SCAPER: variants seen among roughly 807,000 people sequenced by gnomAD.
The protein encoded by SCAPER is S-phase cyclin A associated protein in the ER, also known as S phase cyclin A-associated protein in the endoplasmic reticulum.
Under a neutral mutation model 182.2 loss-of-function variants are expected in SCAPER, and 98 were observed. The observed-to-expected ratio is 0.54, with a 90% CI of 0.46 to 0.64. The LOEUF is 0.64. Among genes scored for constraint, SCAPER ranks in the 30% least tolerant of loss-of-function variants. The probability of loss-of-function intolerance (pLI) is 0.00; values close to 1 mark genes in which losing one functional copy is unlikely to be tolerated. For synonymous variants in SCAPER, 605 were observed against 564.6 expected, an observed-to-expected ratio of 1.07 and a Z score of -1.01; for missense variants, 1,432 against 1,690.0, an observed-to-expected ratio of 0.85 and a Z score of 2.68.
intron 19 of SCAPER, among the ~76,000 whole-genome samples, chr15:76,702,248 CA>C (rs1598257338): frequency 6.6e-6 from 1 of 151,674 alleles, no homozygotes; most frequent in Non-Finnish European, 1.5e-5. Flanking sequence ...CAAGTCTCAG[CA>C]GTGAAAATGT....
At chr15:76,487,450 C>G (rs942530681) in intron 24 of SCAPER, among the ~76,000 whole-genome samples, 7 of 152,112 alleles carry the variant, frequency 4.6e-5, no homozygotes, top group Non-Finnish European at 8.8e-5. Context: ...ATGTTAGATA[C>G]ACAACATTAT....
intron 5 of SCAPER, among the ~76,000 whole-genome samples, chr15:76,828,234 ATAAT>A (rs1415536125): frequency 6.6e-6 from 1 of 150,474 alleles, no homozygotes; most frequent in Non-Finnish European, 1.5e-5. Context: ...TATATAATAT[ATAAT>A]TATTTTATAA....
intron 29 of SCAPER, among the ~76,000 whole-genome samples, chr15:76,366,959 C>A (rs2041858142): frequency 6.6e-6 from 1 of 152,214 alleles, no homozygotes; most frequent in South Asian, 2.1e-4. Context: ...TGGGAGGATC[C>A]TCTGTACTTC....
intron 23 of SCAPER, among the ~76,000 whole-genome samples, chr15:76,519,053 AAAC>A (rs769980660): frequency 3.3e-5 from 5 of 152,228 alleles, no homozygotes; most frequent in Admixed American, 6.5e-5. Context: ...CATTTACGGC[AAAC>A]AAAACTCAGA....
At chr15:76,804,080 C>T (rs1335990187) in intron 6 of SCAPER, among the ~76,000 whole-genome samples, 1 of 152,192 alleles carries the variant, frequency 6.6e-6, no homozygotes, top group Non-Finnish European at 1.5e-5. Context: ...CACACATGTC[C>T]TACACTTACA....
In SCAPER at chr15:76,696,130, G is replaced by A. The variant is rs551654916; in HGVS notation, c.2508+5628C>T. ...AGGCAAGCAAGGTAAGGAAATAAAT[G>A]GGTCTATATGGAATTATCTTTTATT... On this transcript the variant is annotated intron_variant, in intron 20 of 31. Coordinates refer to ENST00000563290, the MANE Select transcript of SCAPER (RefSeq NM_020843.4). Among the ~76,000 whole-genome samples the A allele has an allele frequency of 8.5e-5, 13 of 152,258 alleles. No homozygotes were observed. In the South Asian group the frequency reaches 2.7e-3, roughly 32 times the overall value.
intron 20 of SCAPER, among the ~76,000 whole-genome samples, chr15:76,682,131 G>A (rs280011): frequency 0.025 from 3,863 of 152,202 alleles, 160 homozygotes; most frequent in African/African-American, 0.088. Context: ...AGAGAGCTCC[G>A]TTAGACTGGG....
At chr15:76,485,490 C>G (rs185250958) in intron 24 of SCAPER, among the ~76,000 whole-genome samples, 32 of 152,278 alleles carry the variant, frequency 2.1e-4, no homozygotes, top group Non-Finnish European at 2.9e-5. Context: ...ATGCTATTCC[C>G]ATTAAATTAC....
intron 24 of SCAPER, among the ~76,000 whole-genome samples, chr15:76,479,454 G>T (rs1002833135): frequency 1.3e-5 from 2 of 152,092 alleles, no homozygotes; most frequent in African/African-American, 4.8e-5. Flanking sequence ...TGTGGTTGGG[G>T]GTTTGAGATA....
chr15:76,470,369 G>A (rs1424243004), intron 25 of SCAPER, among the ~76,000 whole-genome samples: 1 of 152,162 alleles, frequency 6.6e-6, no homozygotes, highest in African/African-American at 2.4e-5. Flanking sequence ...TCTGGGGAAA[G>A]AGTCAGGCTG....
chr15:76,513,510 T>C (rs1223451532), intron 23 of SCAPER, among the ~76,000 whole-genome samples: 1 of 152,188 alleles, frequency 6.6e-6, no homozygotes. Context: ...TGGCGTTAAA[T>C]ACCTTATATG....
intron 5 of SCAPER, among the ~76,000 whole-genome samples, chr15:76,809,423 G>C (rs2151564337): frequency 6.6e-6 from 1 of 151,994 alleles, no homozygotes; most frequent in South Asian, 2.1e-4. Context: ...AATACAAAAA[G>C]TACCAAACAG....
intron 5 of SCAPER, among the ~76,000 whole-genome samples, chr15:76,818,750 G>A (rs976707722): frequency 6.6e-6 from 1 of 152,232 alleles, no homozygotes; most frequent in Admixed American, 6.5e-5. Context: ...GCAGGACAGT[G>A]GGTGCAGCGC....
At chr15:76,878,756 T>C (rs1169391639) in intron 2 of SCAPER, among the ~76,000 whole-genome samples, 1 of 151,950 alleles carries the variant, frequency 6.6e-6, no homozygotes, top group Admixed American at 6.6e-5. Context: ...AGTGAGATTC[T>C]GTCTCTATTT....
chr15:76,351,079 T>C (rs2040511320), intron 31 of SCAPER, 158 bp downstream of exon 31: 2 of 562,306 alleles, frequency 3.6e-6, no homozygotes, highest in Non-Finnish European at 6.1e-6. Context: ...ACAAAATCGA[T>C]TTCTTTACTT....
intron 23 of SCAPER, among the ~76,000 whole-genome samples, chr15:76,519,401 T>C (rs1372123052): frequency 1.3e-5 from 2 of 152,044 alleles, no homozygotes; most frequent in Admixed American, 1.3e-4. Context: ...AAGGGAGAAG[T>C]AGGGATCTGA....
intron 26 of SCAPER, among the ~76,000 whole-genome samples, chr15:76,424,546 C>T (rs1025883818): frequency 6.6e-6 from 1 of 152,116 alleles, no homozygotes; most frequent in African/African-American, 2.4e-5. Context: ...GAATACAGCA[C>T]ATTGATGGGT....
chr15:76,699,776 T>C (rs1480996357), intron 20 of SCAPER, among the ~76,000 whole-genome samples: 1 of 152,150 alleles, frequency 6.6e-6, no homozygotes, highest in Non-Finnish European at 1.5e-5. Flanking sequence ...ATCAACATGG[T>C]GGTATCAGGT....
At chr15:76,575,281 C>A (rs1263934321) in intron 22 of SCAPER, among the ~76,000 whole-genome samples, 1 of 152,048 alleles carries the variant, frequency 6.6e-6, no homozygotes, top group Admixed American at 6.6e-5. Flanking sequence ...ACTGGTAGGA[C>A]TACTGATTCA....
Sources: gnomAD v4.1 joint callset for allele counts (sites outside exome capture counted in the v4.1 genomes callset) on GRCh38, gnomAD v4.1.1 for gene constraint, MANE v1.5 for transcripts, NCBI Gene and HGNC (gene_info 2026-07-23, HGNC 2026-07-21) for gene names.